PCDHGB3: variants seen among roughly 807,000 people sequenced by gnomAD.
PCDHGB3 encodes protocadherin gamma subfamily B, 3, also known as protocadherin gamma-B3.
PCDHGB3 carries 40 observed loss-of-function variants against 59.2 expected under a neutral mutation model. That is an observed-to-expected ratio of 0.68 (90% CI 0.52 to 0.88). The LOEUF (loss-of-function observed/expected upper bound fraction) is 0.88. Among genes scored for constraint, PCDHGB3 ranks in the 40% least tolerant of loss-of-function variants. The probability of loss-of-function intolerance (pLI) is 0.00; values close to 1 mark genes in which losing one functional copy is unlikely to be tolerated. For synonymous variants in PCDHGB3, 581 were observed against 503.6 expected, an observed-to-expected ratio of 1.15 and a Z score of -2.06; for missense variants, 1,309 against 1,187.9, an observed-to-expected ratio of 1.10 and a Z score of -1.50.
At chr5:141,383,916 T>A in intron 1 of PCDHGB3, 1 of 1,613,968 alleles carries the variant, frequency 6.2e-7, no homozygotes, top group Non-Finnish European at 8.5e-7. Context: ...CAGTTTTAGA[T>A]GTAAATGATA....
intron 1 of PCDHGB3, chr5:141,413,192 A>G: frequency 1.2e-6 from 2 of 1,607,816 alleles, no homozygotes; most frequent in South Asian, 2.2e-5. Context: ...GCTCAAAGGA[A>G]TCGCTCAAAG....
intron 2 of PCDHGB3, among the ~76,000 whole-genome samples, chr5:141,504,259 G>A (rs1325093588): frequency 6.6e-6 from 1 of 152,126 alleles, no homozygotes; most frequent in Non-Finnish European, 1.5e-5. Flanking sequence ...TTATGGTTTA[G>A]TATTTTTTTA....
At chr5:141,414,097 T>C (rs1442366960) in intron 1 of PCDHGB3, 1 of 1,594,352 alleles carries the variant, frequency 6.3e-7, no homozygotes, top group South Asian at 1.1e-5. Context: ...AATAAAAATA[T>C]CAGAAAATCT....
At chr5:141,409,883 C>G (rs530193346) in intron 1 of PCDHGB3, 2 of 1,612,988 alleles carry the variant, frequency 1.2e-6, no homozygotes, top group South Asian at 2.2e-5. Context: ...CAACGCACCG[C>G]GGGTGCTGTA....
In PCDHGB3 at chr5:141,477,767, A is replaced by G. The variant is rs1178354274; in HGVS notation, c.2416-17040A>G. 6.2e-7 allele frequency: 1 copy of G among 1,613,906 alleles called. No homozygotes were observed. The highest frequency in any genetic ancestry group is 8.5e-7 in the Non-Finnish European group (1 of 1,180,038). On this transcript the variant is annotated intron_variant, in intron 1 of 3. Coordinates refer to ENST00000576222, the MANE Select transcript of PCDHGB3 (RefSeq NM_018924.5). The surrounding 1 kb of genome is among the most constrained non-coding windows in gnomAD (Gnocchi z 4.9). ...GGGCACCCCGGTCCTAGCCACCAAC[A>G]TCAGCGTGAACATATTTGTCACTGA...
chr5:141,397,573 T>C (rs1196804839), intron 1 of PCDHGB3, among the ~76,000 whole-genome samples: 1 of 152,212 alleles, frequency 6.6e-6, no homozygotes, highest in African/African-American at 2.4e-5. Flanking sequence ...GAGCAAGAAC[T>C]GTATCATATT....
chr5:141,490,891 C>A lies in PCDHGB3; in HGVS notation c.2416-3916C>A, dbSNP rs1462296497. The A allele has an allele frequency of 6.2e-7, 1 of 1,613,204 alleles. No homozygotes were observed. Among genetic ancestry groups the A allele is most frequent in the Non-Finnish European group, 8.5e-7 (1 of 1,179,262 alleles). On this transcript the variant is annotated intron_variant, in intron 1 of 3. Transcript: ENST00000576222. This position sits in a 1 kb window ranked among gnomAD's most constrained non-coding sequence, Gnocchi z 5.4. ...CCCATTGCATGCCAACACATCTCTGCATGTGTTTGTCCTAGACGAGAATGA... is the reference window on the plus strand; with the variant it reads ...CCCATTGCATGCCAACACATCTCTGAATGTGTTTGTCCTAGACGAGAATGA...
chr5:141,491,479 C>T lies in PCDHGB3; in HGVS notation c.2416-3328C>T. On this transcript the variant is annotated intron_variant, in intron 1 of 3. Transcript: ENST00000576222. The surrounding 1 kb of genome is among the most constrained non-coding windows in gnomAD (Gnocchi z 6.9). ...CCCGGACTTCTATAAGCAGTCCAGCCCCAACCTGCAGGTGAGCTCGGACGG... is the reference window on the plus strand; with the variant it reads ...CCCGGACTTCTATAAGCAGTCCAGCTCCAACCTGCAGGTGAGCTCGGACGG... 1 of 1,614,144 alleles carries T rather than the reference C, an allele frequency of 6.2e-7. No homozygotes were observed. Among genetic ancestry groups the T allele is most frequent in the Non-Finnish European group, 8.5e-7 (1 of 1,180,024 alleles).
chr5:141,481,401 CT>C (rs2099537157), intron 1 of PCDHGB3, among the ~76,000 whole-genome samples: 1 of 152,204 alleles, frequency 6.6e-6, no homozygotes, highest in African/African-American at 2.4e-5. Flanking sequence ...TGACAAAATT[CT>C]TGTATAATTA....
rs1767846992 is a variant in PCDHGB3 at position 141,371,564 on chromosome 5, C to A, written c.1170C>A (p.Phe390Leu). 1 of 1,613,816 alleles carries A rather than the reference C, an allele frequency of 6.2e-7. No individual in the cohort carries two copies. Among genetic ancestry groups the A allele is most frequent in the Admixed American group, 1.7e-5 (1 of 60,002 alleles). ...GEILCQLKGN[F>L]PFKIVQDTKN... Reference sequence around the variant, plus strand: ...TCCTATGCCAACTAAAAGGAAACTTCCCCTTTAAAATCGTTCAAGATACCA... The same window carrying A: ...TCCTATGCCAACTAAAAGGAAACTTACCCTTTAAAATCGTTCAAGATACCA... Residue 390 changes from phenylalanine to leucine, a missense_variant, in exon 1 of 4, where the codon TTC (phenylalanine) becomes TTA (leucine). Transcript: ENST00000576222.
At chr5:141,471,046 C>CTTT (rs1170588345) in intron 1 of PCDHGB3, among the ~76,000 whole-genome samples, 3 of 113,252 alleles carry the variant, frequency 2.6e-5, no homozygotes, top group Non-Finnish European at 5.4e-5. Context: ...CCCAAGCCCT[C>CTTT]TTTTTTTTTT....
chr5:141,456,178 A>G (rs1216202318), intron 1 of PCDHGB3, among the ~76,000 whole-genome samples: 1 of 151,926 alleles, frequency 6.6e-6, no homozygotes, highest in African/African-American at 2.4e-5. Context: ...ATTACAGAAT[A>G]ATTTCTTAAT....
At chr5:141,426,876 C>T (rs796453479) in intron 1 of PCDHGB3, 2 of 456,726 alleles carry the variant, frequency 4.4e-6, no homozygotes, top group African/African-American at 2.0e-5. Context: ...GGAGAAGCCC[C>T]TGGGCCAGGA....
rs755602367 is a variant in PCDHGB3, at chr5:141,415,231, G to A, written c.2415+42422G>A. ...GGACCTCGGCAGCTTCGAGTCTCCA[G>A]CTAACTCTGAAACCTCAGACCTCAC... On this transcript the variant is annotated intron_variant, in intron 1 of 3. Transcript: ENST00000576222. 2.1e-5 allele frequency: 34 copies of A among 1,614,042 alleles called. No homozygotes were observed. The South Asian group carries it at 3.2e-4, about 15-fold the overall frequency.
intron 1 of PCDHGB3, chr5:141,384,495 G>A (rs187774047): frequency 5.0e-6 from 8 of 1,614,162 alleles, no homozygotes; most frequent in Non-Finnish European, 6.8e-6. Context: ...AACTAAGAGT[G>A]ACTGCACATG....
chr5:141,509,601 G>A (rs2099877534), intron 3 of PCDHGB3, among the ~76,000 whole-genome samples: 1 of 152,144 alleles, frequency 6.6e-6, no homozygotes, highest in Non-Finnish European at 1.5e-5. Flanking sequence ...ATTCCGAGAG[G>A]CTGCATTCTA....
chr5:141,448,788 A>C (rs865953914), intron 1 of PCDHGB3, among the ~76,000 whole-genome samples: 3 of 151,964 alleles, frequency 2.0e-5, no homozygotes, highest in South Asian at 2.1e-4. Flanking sequence ...AAAATACAAA[A>C]AAAAAAATTA....
chr5:141,389,131 A>G, intron 1 of PCDHGB3: 2 of 1,614,024 alleles, frequency 1.2e-6, no homozygotes, highest in African/African-American at 2.7e-5. Flanking sequence ...AATCCAGAGT[A>G]CAATATAACC....
At chr5:141,385,066 C>G in intron 1 of PCDHGB3, 1 of 1,614,194 alleles carries the variant, frequency 6.2e-7, no homozygotes, top group Non-Finnish European at 8.5e-7. Context: ...GCACAAGTCA[C>G]GCCTGCTGCA....
Sources: gnomAD v4.1 joint callset for allele counts (sites outside exome capture counted in the v4.1 genomes callset) on GRCh38, gnomAD v4.1.1 for gene constraint, Gnocchi (gnomAD v3.1) non-coding constraint, MANE v1.5 for transcripts, NCBI Gene and HGNC (gene_info 2026-07-23, HGNC 2026-07-21) for gene names.